The following ROBO1 variants were observed in gnomAD, a reference collection of about 807,000 sequenced individuals.
The protein encoded by ROBO1 is roundabout homolog 1.
ROBO1 carries 149 observed loss-of-function variants against 195.9 expected under a neutral mutation model. The ratio of observed to expected loss-of-function variants is 0.76; its 90% confidence interval spans 0.67 to 0.87. The LOEUF (loss-of-function observed/expected upper bound fraction) is 0.87, where lower values mean the gene tolerates loss of function less well. Among genes scored for constraint, ROBO1 ranks in the 40% least tolerant of loss-of-function variants. The probability of loss-of-function intolerance (pLI) is 0.00; values close to 1 mark genes in which losing one functional copy is unlikely to be tolerated. For synonymous variants in ROBO1, 816 were observed against 733.2 expected (o/e 1.11, Z -1.82); for missense variants, 1,933 against 2,068.3 (o/e 0.93, Z 1.27).
At chr3:79,269,425 G>A (rs1480723909) in intron 2 of ROBO1, among the ~76,000 whole-genome samples, 2 of 151,496 alleles carry the variant, frequency 1.3e-5, no homozygotes, top group African/African-American at 2.4e-5. Context: ...TTTGTAACAT[G>A]GTCACACAAA....
chr3:79,013,686 C>A (rs1266690985), intron 3 of ROBO1, among the ~76,000 whole-genome samples: 1 of 152,144 alleles, frequency 6.6e-6, no homozygotes, highest in Non-Finnish European at 1.5e-5. Context: ...AACCACATTC[C>A]CTAACTTCTC....
At chr3:78,674,832 T>G (rs1349335234) in intron 10 of ROBO1, among the ~76,000 whole-genome samples, 1 of 152,192 alleles carries the variant, frequency 6.6e-6, no homozygotes, top group Non-Finnish European at 1.5e-5. Context: ...AATCTTTTTT[T>G]ATGTATACCT....
chr3:78,760,074 C>G (rs1332407373), intron 4 of ROBO1, among the ~76,000 whole-genome samples: 1 of 152,094 alleles, frequency 6.6e-6, no homozygotes, highest in Non-Finnish European at 1.5e-5. Context: ...TAGTGAAAGT[C>G]TCACGAGATC....
intron 2 of ROBO1, among the ~76,000 whole-genome samples, chr3:79,383,268 G>A (rs1269108593): frequency 6.6e-6 from 1 of 151,898 alleles, no homozygotes; most frequent in African/African-American, 2.4e-5. Context: ...ATTCCACTAG[G>A]GAGCTGTAAG....
intron 12 of ROBO1, 49 bp from the exon 13 acceptor site, chr3:78,668,351 G>C: frequency 1.2e-6 from 2 of 1,604,228 alleles, no homozygotes; most frequent in Non-Finnish European, 1.7e-6. Context: ...CACATACACA[G>C]ATAAGCGGAT....
intron 1 of ROBO1, among the ~76,000 whole-genome samples, chr3:79,737,652 C>T (rs1356862734): frequency 2.0e-5 from 2 of 99,514 alleles, no homozygotes; most frequent in African/African-American, 7.1e-5. Context: ...GTTCTTTGTC[C>T]TATCAAAAAA....
At chr3:78,623,462 A>G (rs916657510) in intron 26 of ROBO1, among the ~76,000 whole-genome samples, 6 of 152,152 alleles carry the variant, frequency 3.9e-5, no homozygotes, top group African/African-American at 1.4e-4. Context: ...GGGAGTAGCA[A>G]TGGGTAAGGA....
At chr3:79,670,254 A>G (rs1012455568) in intron 1 of ROBO1, among the ~76,000 whole-genome samples, 2 of 151,924 alleles carry the variant, frequency 1.3e-5, no homozygotes, top group Non-Finnish European at 2.9e-5. Context: ...CAGTTTATTT[A>G]GAAAATTTTC....
chr3:79,220,259 G>A (rs1236894680), intron 2 of ROBO1, among the ~76,000 whole-genome samples: 1 of 151,510 alleles, frequency 6.6e-6, no homozygotes, highest in Admixed American at 6.6e-5. Flanking sequence ...ACTCAGGCAG[G>A]GCAAAAAAGA....
intron 3 of ROBO1, among the ~76,000 whole-genome samples, chr3:79,123,922 T>G (rs2080167204): frequency 6.6e-6 from 1 of 152,074 alleles, no homozygotes; most frequent in Non-Finnish European, 1.5e-5. Context: ...GACTCCAACA[T>G]GATTTATTCA....
intron 2 of ROBO1, among the ~76,000 whole-genome samples, chr3:79,404,419 G>A (rs1049137360): frequency 6.6e-6 from 1 of 152,054 alleles, no homozygotes; most frequent in Admixed American, 6.6e-5. Context: ...GCATATTAGA[G>A]AACCAGTGCA....
intron 3 of ROBO1, among the ~76,000 whole-genome samples, chr3:78,990,209 T>C (rs1456708698): frequency 6.6e-6 from 1 of 152,220 alleles, no homozygotes. Context: ...CTTTCAATCA[T>C]TGTTGATTGG....
At chr3:78,727,434 G>A (rs577421944) in intron 5 of ROBO1, among the ~76,000 whole-genome samples, 5 of 152,164 alleles carry the variant, frequency 3.3e-5, no homozygotes, top group African/African-American at 1.2e-4. Flanking sequence ...AGACCATCCT[G>A]GCTAACACGG....
chr3:79,733,540 G>A (rs1443873761), intron 1 of ROBO1, among the ~76,000 whole-genome samples: 1 of 152,138 alleles, frequency 6.6e-6, no homozygotes, highest in East Asian at 1.9e-4. Flanking sequence ...CAGTGCTAAA[G>A]ATGGGCTGAA....
chr3:79,263,515 G>T (rs2082978912), intron 2 of ROBO1, among the ~76,000 whole-genome samples: 1 of 151,968 alleles, frequency 6.6e-6, no homozygotes, highest in Admixed American at 6.6e-5. Context: ...TTAGCCAAGG[G>T]TGGTGGCATA....
At chr3:78,954,801 G>A (rs2040959283) in intron 3 of ROBO1, among the ~76,000 whole-genome samples, 1 of 151,994 alleles carries the variant, frequency 6.6e-6, no homozygotes, top group African/African-American at 2.4e-5. Context: ...CAGAACATGA[G>A]CAGATTCCTC....
chr3:78,948,403 A>C (rs1270606112), intron 3 of ROBO1, among the ~76,000 whole-genome samples: 1 of 152,184 alleles, frequency 6.6e-6, no homozygotes, highest in East Asian at 1.9e-4. Context: ...AACAGAACCA[A>C]AGACAAAAAC....
In ROBO1 at chr3:78,966,256, A is replaced by T. The variant is rs556820717; in HGVS notation, c.173-27329T>A. On this transcript the variant is annotated intron_variant, in intron 3 of 30. Coordinates refer to ENST00000464233, the MANE Select transcript of ROBO1 (RefSeq NM_002941.4). ...AAGAAACAAGTCCCTGGTGCCAAAA[A>T]GGCTGGGGACCTCTGTGTTAGACAA... Among the ~76,000 whole-genome samples the T allele has an allele frequency of 2.6e-5, 4 of 152,326 alleles. No homozygotes were observed. The East Asian group carries it at 7.7e-4, about 29-fold the overall frequency.
chr3:79,292,057 C>T (rs1048827294), intron 2 of ROBO1, among the ~76,000 whole-genome samples: 38 of 152,084 alleles, frequency 2.5e-4, no homozygotes, highest in Non-Finnish European at 4.6e-4. Flanking sequence ...TGAATACCCC[C>T]GTATATCCTA....
Sources: gnomAD v4.1 joint callset for allele counts (sites outside exome capture counted in the v4.1 genomes callset) on GRCh38, gnomAD v4.1.1 for gene constraint, MANE v1.5 for transcripts, NCBI Gene and HGNC (gene_info 2026-07-23, HGNC 2026-07-21) for gene names.